The following LMNB1 variants were observed in gnomAD, a reference collection of about 807,000 sequenced individuals.
LMNB1 encodes lamin B1.
A neutral mutation model predicts 67.1 loss-of-function variants in LMNB1; 23 were observed. That is an observed-to-expected ratio of 0.34 (90% CI 0.25 to 0.49). The LOEUF (loss-of-function observed/expected upper bound fraction) is 0.49, where lower values mean the gene tolerates loss of function less well. LMNB1 is among the 20% of genes least tolerant of loss of function. The probability of loss-of-function intolerance (pLI) is 0.99; values close to 1 mark genes in which losing one functional copy is unlikely to be tolerated. For synonymous variants in LMNB1, 281 were observed against 282.9 expected, an observed-to-expected ratio of 0.99 and a Z score of 0.07; for missense variants, 634 against 746.5, an observed-to-expected ratio of 0.85 and a Z score of 1.76.
In LMNB1 at chr5:126,789,667, G is replaced by A. The variant is rs1375983834; in HGVS notation, c.359+11800G>A. 3.3e-5 allele frequency among the ~76,000 whole-genome samples: 5 copies of A among 152,010 alleles called. 1 individual carries two copies. The highest frequency in any genetic ancestry group is 7.4e-5 in the Non-Finnish European group (5 of 68,008). ...CTCTTAAAATAGGGACTTTGCATTT[G>A]GAGTTTCCTTTGAATTTTTTTTTTG... is the stretch of plus-strand genomic sequence containing the variant. On this transcript the variant is annotated intron_variant, in intron 1 of 10. Transcript: ENST00000261366.
chr5:126,800,835 A>G (rs1413264629), intron 1 of LMNB1, among the ~76,000 whole-genome samples: 2 of 139,350 alleles, frequency 1.4e-5, no homozygotes, highest in Non-Finnish European at 3.1e-5. Context: ...TATTTTTAGT[A>G]GAGACTGGGT....
chr5:126,787,865 A>G (rs1438309037), intron 1 of LMNB1, among the ~76,000 whole-genome samples: 5 of 151,780 alleles, frequency 3.3e-5, no homozygotes, highest in Non-Finnish European at 7.4e-5. Flanking sequence ...GGAGCCATAT[A>G]TATATTTAAT....
In LMNB1 at chr5:126,836,791, A is replaced by C; in HGVS notation, c.*527A>C. Reference sequence around the variant, plus strand: ...TAAAATAGAAATTTTGTAAGAAGGCAATATTAACCTAATCACCATGTAAGC... The same window carrying C: ...TAAAATAGAAATTTTGTAAGAAGGCCATATTAACCTAATCACCATGTAAGC... On this transcript the variant is annotated 3_prime_UTR_variant, in exon 11 of 11. Transcript: ENST00000261366. The C allele has an allele frequency of 2.5e-6, 1 of 396,558 alleles. No homozygotes were observed. Among genetic ancestry groups the C allele is most frequent in the Non-Finnish European group, 4.4e-6 (1 of 225,052 alleles). The allele number at this position is 396,558 out of a possible 1,614,324, so 24.6% of individuals were successfully genotyped here. A position where few individuals can be genotyped will look rare whatever the true frequency, so the allele number is the denominator to read the frequency against.
At chr5:126,819,649 C>A (rs1159225525) in intron 6 of LMNB1, among the ~76,000 whole-genome samples, 1 of 151,860 alleles carries the variant, frequency 6.6e-6, no homozygotes, top group Admixed American at 6.6e-5. Context: ...TGTCACCACA[C>A]CCGGCTAATT....
intron 1 of LMNB1, among the ~76,000 whole-genome samples, chr5:126,798,786 C>CGT (rs1561741428): frequency 2.6e-5 from 2 of 78,398 alleles, no homozygotes; most frequent in Admixed American, 1.2e-4. Context: ...TGTGTGTGTG[C>CGT]GTGTGCTTGT....
chr5:126,804,717 GAGA>G, intron 1 of LMNB1, 56 bp from the exon 2 acceptor site: 1 of 1,480,828 alleles, frequency 6.8e-7, no homozygotes, highest in Non-Finnish European at 9.2e-7. Context: ...AGCAGAGAGG[GAGA>G]AGACCTCAAG....
Position 126,821,102 on chromosome 5 carries a change from G to A in LMNB1, c.1353G>A (p.Gly451=), listed in dbSNP as rs1364096655. ...NVCIEEIDVD[G]KFIRLKNTSE... is the part of the protein sequence containing the mutation. ...GCATCGAAGAAATTGATGTTGATGG[G>A]AAATTTATCCGCTTGAAGAACACTT... The change falls in exon 7 of 11, where the codon GGG becomes GGA. Residue 451 remains glycine (G), a synonymous_variant. Coordinates refer to ENST00000261366, the MANE Select transcript of LMNB1 (RefSeq NM_005573.4). The A allele has an allele frequency of 6.2e-7, 1 of 1,613,648 alleles. No individual in the cohort carries two copies. Among genetic ancestry groups the A allele is most frequent in the Non-Finnish European group, 8.5e-7 (1 of 1,179,832 alleles).
At chr5:126,832,411 T>G (rs1208053298) in intron 9 of LMNB1, among the ~76,000 whole-genome samples, 1 of 152,136 alleles carries the variant, frequency 6.6e-6, no homozygotes, top group Non-Finnish European at 1.5e-5. Context: ...GCCATTCTTC[T>G]GCCTCAGCCT....
chr5:126,836,821 T>C lies in LMNB1; in HGVS notation c.*557T>C, dbSNP rs1345567537. The C allele has an allele frequency of 2.6e-6, 1 of 390,824 alleles. No individual in the cohort carries two copies. Among genetic ancestry groups the C allele is most frequent in the Non-Finnish European group, 4.5e-6 (1 of 223,190 alleles). 24.2% of individuals were successfully genotyped at this position (390,824 alleles called of 1,614,324 possible). A position where few individuals can be genotyped will look rare whatever the true frequency, so the allele number is the denominator to read the frequency against. On this transcript the variant is annotated 3_prime_UTR_variant, in exon 11 of 11. Coordinates refer to ENST00000261366, the MANE Select transcript of LMNB1 (RefSeq NM_005573.4). Reference sequence around the variant, plus strand: ...TAACCTAATCACCATGTAAGCACTCTGGATGATGGATTCCACAAAACTTGG... The same window carrying C: ...TAACCTAATCACCATGTAAGCACTCCGGATGATGGATTCCACAAAACTTGG...
At chr5:126,810,061 T>C (rs1751545835) in intron 3 of LMNB1, 119 bp from the exon 4 acceptor site, 3 of 899,148 alleles carry the variant, frequency 3.3e-6, no homozygotes, top group Non-Finnish European at 5.0e-6. Context: ...CATGACCGCC[T>C]GAGGACAAAC....
chr5:126,800,951 C>CTATATATATATATATATA (rs57113826), intron 1 of LMNB1, among the ~76,000 whole-genome samples: 4 of 47,312 alleles, frequency 8.5e-5, no homozygotes, highest in Non-Finnish European at 1.2e-4. Flanking sequence ...TGCAGCCAGA[C>CTATATATATATATATATA]TATATATATA....
intron 7 of LMNB1, among the ~76,000 whole-genome samples, chr5:126,822,365 G>A (rs910696079): frequency 1.5e-4 from 23 of 149,352 alleles, no homozygotes; most frequent in Admixed American, 1.1e-3. Context: ...GACAGATGCA[G>A]AAGGAAAATG....
chr5:126,787,177 G>C (rs969961613), intron 1 of LMNB1, among the ~76,000 whole-genome samples: 1 of 152,126 alleles, frequency 6.6e-6, no homozygotes. Flanking sequence ...TACTGTAAGT[G>C]CAGTATACTA....
At chr5:126,834,763 C>G (rs1331465059) in intron 10 of LMNB1, among the ~76,000 whole-genome samples, 3 of 152,120 alleles carry the variant, frequency 2.0e-5, no homozygotes, top group African/African-American at 7.2e-5. Context: ...GTAGTCCCAG[C>G]TACTCGGGAG....
At chr5:126,776,895 G>C (rs1246775770), upstream of LMNB1, 1 of 152,270 alleles carries the variant, frequency 6.6e-6, no homozygotes, top group Non-Finnish European at 1.5e-5. Flanking sequence ...GCCTGGTCCG[G>C]GAACCGCCCA....
intron 10 of LMNB1, among the ~76,000 whole-genome samples, chr5:126,833,967 A>G (rs1434725597): frequency 3.3e-5 from 5 of 152,236 alleles, no homozygotes; most frequent in Admixed American, 6.5e-5. Flanking sequence ...GGCTTAAAAC[A>G]GTGATTTCTT....
In LMNB1 at chr5:126,822,013, C is replaced by CTTTT. The variant is rs34781275; in HGVS notation, c.1387-757_1387-754dup. On this transcript the variant is annotated intron_variant, in intron 7 of 10. Coordinates refer to ENST00000261366, the MANE Select transcript of LMNB1 (RefSeq NM_005573.4). ...ATAGGCTCTAAGGTCTCTTTGTAGC[C>CTTTT]TTTTTTTTTTTTTTGAGTCTTGCTC... Among the ~76,000 whole-genome samples, 1,098 of 141,522 alleles carry CTTTT rather than the reference C, an allele frequency of 7.8e-3. 25 individuals are homozygous for CTTTT. The highest frequency in any genetic ancestry group is 0.024 in the African/African-American group (925 of 38,208). The allele number at this position is 141,522 out of a possible 152,430, so 92.8% of individuals were successfully genotyped here.
chr5:126,822,745 T>C, intron 7 of LMNB1, 36 bp from the exon 8 acceptor site: 1 of 1,270,526 alleles, frequency 7.9e-7, no homozygotes, highest in South Asian at 1.2e-5. Flanking sequence ...TCTTTATCTT[T>C]GAAGTAACAC....
At chr5:126,830,236 G>A (rs1011274187) in intron 9 of LMNB1, among the ~76,000 whole-genome samples, 7 of 152,174 alleles carry the variant, frequency 4.6e-5, no homozygotes, top group African/African-American at 2.4e-5. Context: ...AGCCAGCTCC[G>A]GGCACCACTG....
Sources: gnomAD v4.1 joint callset for allele counts (sites outside exome capture counted in the v4.1 genomes callset) on GRCh38, gnomAD v4.1.1 for gene constraint, MANE v1.5 for transcripts, NCBI Gene and HGNC (gene_info 2026-07-23, HGNC 2026-07-21) for gene names.